Variants in YPEL1 observed in about 807,000 individuals in gnomAD.
The protein encoded by YPEL1 is protein yippee-like 1.
A neutral mutation model predicts 17.3 loss-of-function variants in YPEL1; 7 were observed. The ratio of observed to expected loss-of-function variants is 0.40; its 90% CI spans 0.23 to 0.76. YPEL1 has a LOEUF of 0.76. YPEL1 is among the 30% of genes least tolerant of loss of function. The pLI is 0.35. For missense variants in YPEL1, 91 were observed against 155.5 expected (o/e 0.59, Z 2.21); for synonymous variants, 59 against 59.6 (o/e 0.99, Z 0.05).
intron 1 of YPEL1, among the ~76,000 whole-genome samples, chr22:21,712,383 A>AC (rs1555904125): frequency 2.6e-5 from 4 of 151,210 alleles, no homozygotes; most frequent in Middle Eastern, 3.4e-3. Context: ...AAAAAAAAAA[A>AC]AACAACTACA....
At chr22:21,701,302 G>C in intron 4 of YPEL1, 84 bp from the exon 5 acceptor site, 1 of 992,398 alleles carries the variant, frequency 1.0e-6, no homozygotes, top group South Asian at 1.4e-5. Context: ...CCCCCCCCAA[G>C]TCTATACTAT....
Position 21,703,715 on chromosome 22 carries a change from G to GGGC in YPEL1, c.161+123_161+124insGCC. On this transcript the variant is annotated intron_variant, in intron 3 of 4. Transcript: ENST00000339468. The surrounding 1 kb of genome is among the most constrained non-coding windows in gnomAD (Gnocchi z 6.1). ...GCGCGTTTCAGAAACTCCCGGCGGGGGGATGGTGGGTTCTTTCAGGACCCC... is the reference window on the plus strand; with the variant it reads ...GCGCGTTTCAGAAACTCCCGGCGGGGGGCGGATGGTGGGTTCTTTCAGGACCCC... 1 of 1,130,282 alleles carries GGGC rather than the reference G, an allele frequency of 8.8e-7. No homozygotes were observed. Among genetic ancestry groups the GGGC allele is most frequent in the South Asian group, 1.5e-5 (1 of 66,274 alleles). 70.0% of individuals were successfully genotyped at this position (1,130,282 alleles called of 1,614,324 possible). A position where few individuals can be genotyped will look rare whatever the true frequency, so the allele number is the denominator to read the frequency against.
intron 4 of YPEL1, 64 bp from the exon 5 acceptor site, chr22:21,701,282 T>G: frequency 7.4e-7 from 1 of 1,351,192 alleles, no homozygotes; most frequent in South Asian, 1.2e-5. Flanking sequence ...CATCACTCTT[T>G]TGGCAAAAAC....
rs947007826 is a variant in YPEL1, at chr22:21,735,755, C to T, written c.-305G>A. 1 of 150,954 alleles carries T rather than the reference C, an allele frequency of 6.6e-6. No homozygotes were observed. Among genetic ancestry groups the T allele is most frequent in the Non-Finnish European group, 1.5e-5 (1 of 67,584 alleles). The allele number at this position is 150,954 out of a possible 1,614,324, so 9.4% of individuals were successfully genotyped here. ...ACGCCTAGGCAGGGCGCGAGGCATC[C>T]TCCCGCCGCCGCCCCGCGGGCCGCC... On this transcript the variant is annotated 5_prime_UTR_variant, in exon 1 of 5. Coordinates refer to ENST00000339468, the MANE Select transcript of YPEL1 (RefSeq NM_013313.5).
At chr22:21,715,039 G>A (rs1255824206) in intron 1 of YPEL1, among the ~76,000 whole-genome samples, 1 of 152,134 alleles carries the variant, frequency 6.6e-6, no homozygotes, top group Non-Finnish European at 1.5e-5. Context: ...TGTGATGTAA[G>A]CTTCAGGAAA....
intron 1 of YPEL1, among the ~76,000 whole-genome samples, chr22:21,712,138 G>A (rs954348834): frequency 4.6e-5 from 7 of 152,094 alleles, no homozygotes; most frequent in Non-Finnish European, 1.0e-4. Context: ...TCGTCCAACT[G>A]CACTCCAGCC....
In YPEL1 at chr22:21,717,552, G is replaced by A. The variant is rs1407635754; in HGVS notation, c.-164-6644C>T. Among the ~76,000 whole-genome samples the A allele has an allele frequency of 9.2e-5, 14 of 152,102 alleles. No individual in the cohort carries two copies. In the East Asian group the frequency reaches 2.7e-3, roughly 29 times the overall value. On this transcript the variant is annotated intron_variant, in intron 1 of 4. Transcript: ENST00000339468. The stretch of plus-strand genomic sequence containing the variant: ...ATGATTGTGGATTCTCCAGAATTAA[G>A]GAAAAGCTACTAATCCACAGACTTA...
At chr22:21,711,499 G>A (rs2068165933) in intron 1 of YPEL1, among the ~76,000 whole-genome samples, 1 of 152,174 alleles carries the variant, frequency 6.6e-6, no homozygotes, top group Non-Finnish European at 1.5e-5. Flanking sequence ...CAGAGCACCA[G>A]GACATTGAGG....
At chr22:21,713,892 C>A (rs533838638) in intron 1 of YPEL1, among the ~76,000 whole-genome samples, 2 of 152,200 alleles carry the variant, frequency 1.3e-5, no homozygotes, top group African/African-American at 4.8e-5. Flanking sequence ...TGGCCTGTGA[C>A]AAGGGGCCTG....
chr22:21,707,998 C>T (rs2068129529), intron 2 of YPEL1, among the ~76,000 whole-genome samples: 1 of 152,122 alleles, frequency 6.6e-6, no homozygotes, highest in African/African-American at 2.4e-5. Context: ...CCTACAGCAG[C>T]AACAGGCTCC....
At chr22:21,707,455 C>A (rs1397659614) in intron 2 of YPEL1, among the ~76,000 whole-genome samples, 1 of 152,130 alleles carries the variant, frequency 6.6e-6, no homozygotes, top group Non-Finnish European at 1.5e-5. Context: ...CAAGAGCCCC[C>A]AGTTGTCCCT....
intron 1 of YPEL1, among the ~76,000 whole-genome samples, chr22:21,717,905 T>C (rs911320935): frequency 2.0e-5 from 3 of 151,790 alleles, no homozygotes; most frequent in South Asian, 2.1e-4. Flanking sequence ...GGCAGGAGGA[T>C]TGCTTGAGCC....
chr22:21,700,070 C>T lies in YPEL1; in HGVS notation c.*1059G>A, dbSNP rs1445007051. The stretch of plus-strand genomic sequence containing the variant: ...ATCTGTGCTGGCCTCTGTTTTTGAA[C>T]AAGCTAAAAACCAAAAATGCCCTTA... On this transcript the variant is annotated 3_prime_UTR_variant, in exon 5 of 5. Transcript: ENST00000339468. 6.6e-6 allele frequency: 1 copy of T among 152,374 alleles called. No homozygotes were observed. The highest frequency in any genetic ancestry group is 2.4e-5 in the African/African-American group (1 of 41,446). The allele number at this position is 152,374 out of a possible 1,614,324, so 9.4% of individuals were successfully genotyped here. A position where few individuals can be genotyped will look rare whatever the true frequency, so the allele number is the denominator to read the frequency against.
intron 1 of YPEL1, among the ~76,000 whole-genome samples, chr22:21,721,463 A>G (rs372668950): frequency 9.6e-5 from 14 of 146,588 alleles, no homozygotes; most frequent in East Asian, 8.1e-4. Context: ...TCGTTCTGTC[A>G]CTCAGGCTGG....
chr22:21,729,225 C>T (rs529974366), intron 1 of YPEL1, among the ~76,000 whole-genome samples: 22 of 151,928 alleles, frequency 1.4e-4, no homozygotes, highest in African/African-American at 4.3e-4. Flanking sequence ...GCAGGAGAAT[C>T]ACTTAGGCCC....
chr22:21,722,142 A>T (rs1295864762), intron 1 of YPEL1, among the ~76,000 whole-genome samples: 3 of 152,188 alleles, frequency 2.0e-5, no homozygotes, highest in Non-Finnish European at 2.9e-5. Context: ...CCATTTGGCC[A>T]GCGCGGTGGC....
Position 21,701,132 on chromosome 22 carries a change from C to T in YPEL1, c.357G>A (p.Glu119=). 6.2e-7 allele frequency: 1 copy of T among 1,613,210 alleles called. No individual in the cohort carries two copies. Among genetic ancestry groups the T allele is most frequent in the Non-Finnish European group, 8.5e-7 (1 of 1,179,236 alleles). ...LAHMIKDNGW[E] ...AGGAGAAGGGAAAGTTCGCACATTA[C>T]TCCCAGCCATTGTCTTTGATCATAT... Residue 119 remains glutamate, a synonymous_variant, in exon 5 of 5, where the codon GAG becomes GAA. Transcript: ENST00000339468.
chr22:21,725,002 G>C (rs1601640903), intron 1 of YPEL1, among the ~76,000 whole-genome samples: 1 of 151,512 alleles, frequency 6.6e-6, no homozygotes, highest in Non-Finnish European at 1.5e-5. Flanking sequence ...CTGCCTCCCG[G>C]GTTCAAGTGA....
At chr22:21,714,337 G>C (rs2068200936) in intron 1 of YPEL1, among the ~76,000 whole-genome samples, 1 of 152,202 alleles carries the variant, frequency 6.6e-6, no homozygotes, top group Admixed American at 6.5e-5. Flanking sequence ...TGCCTAACTT[G>C]GACTTGGTGC....
Sources: allele counts gnomAD v4.1 joint callset (sites outside exome capture counted in the v4.1 genomes callset), GRCh38; gene constraint gnomAD v4.1.1; non-coding constraint Gnocchi (gnomAD v3.1); transcripts MANE v1.5; gene names NCBI Gene and HGNC (gene_info 2026-07-23, HGNC 2026-07-21).